SNAPC1: variants seen among roughly 807,000 people sequenced by gnomAD.
SNAPC1 encodes the protein snRNA-activating protein complex subunit 1.
Under a neutral mutation model 50.1 loss-of-function variants are expected in SNAPC1, and 42 were observed. That is an observed-to-expected ratio of 0.84 (90% confidence interval 0.65 to 1.08). The LOEUF (loss-of-function observed/expected upper bound fraction) is 1.08. Among genes scored for constraint, SNAPC1 ranks in the 50% least tolerant of loss-of-function variants. The pLI is 0.00. For missense variants in SNAPC1, 477 were observed against 427.3 expected, an observed-to-expected ratio of 1.12 and a Z score of -1.02; for synonymous variants, 164 against 144.2, an observed-to-expected ratio of 1.14 and a Z score of -0.98.
At chr14:61,767,397 T>C (rs762171827) in intron 3 of SNAPC1, 45 bp downstream of exon 3, 1 of 1,253,762 alleles carries the variant, frequency 8.0e-7, no homozygotes, top group Non-Finnish European at 1.1e-6. Flanking sequence ...TGAGCAATTA[T>C]ACTTTATTGT....
chr14:61,767,064 G>C, intron 2 of SNAPC1, 29 bp downstream of exon 2: 1 of 1,405,720 alleles, frequency 7.1e-7, no homozygotes, highest in Non-Finnish European at 9.5e-7. Context: ...TTTTTCCTTA[G>C]CAGAAATGTA....
In SNAPC1 at chr14:61,778,862, A is replaced by G; in HGVS notation, c.777A>G (p.Ala259=). 1.3e-6 allele frequency: 2 copies of G among 1,561,276 alleles called. No homozygotes were observed. The highest frequency in any genetic ancestry group is 1.7e-6 in the Non-Finnish European group (2 of 1,158,016). The change falls in exon 7 of 10, where the codon GCA becomes GCG. Residue 259 remains alanine, a synonymous_variant. Transcript: ENST00000216294. ...TTTACATCCAGAGATGTGAAAGGGCAGAATCATTAGCGAAAATAAAATCAA... is the reference window on the plus strand; with the variant it reads ...TTTACATCCAGAGATGTGAAAGGGCGGAATCATTAGCGAAAATAAAATCAA... The part of the protein sequence containing the change: ...NSQETERCER[A]ESLAKIKSKA...
chr14:61,776,856 C>T lies in SNAPC1; in HGVS notation c.693+603C>T, dbSNP rs145942434. ...TTTTGCAAGTCTCATCAACACAGAT[C>T]TTCAACTTAGTTTATTTAACCAAAA... On this transcript the variant is annotated intron_variant, in intron 5 of 9. Coordinates refer to ENST00000216294, the MANE Select transcript of SNAPC1 (RefSeq NM_003082.4). Among the ~76,000 whole-genome samples the T allele has an allele frequency of 5.3e-3, 804 of 152,286 alleles. 21 individuals carry two copies. Among genetic ancestry groups the T allele is most frequent in the Admixed American group, 0.035 (535 of 15,302 alleles).
intron 8 of SNAPC1, among the ~76,000 whole-genome samples, chr14:61,788,128 A>G (rs2045127838): frequency 6.6e-6 from 1 of 152,234 alleles, no homozygotes. Context: ...GACAGGCTCT[A>G]TAGTACATCT....
Position 61,767,271 on chromosome 14 carries a change from T to C in SNAPC1, c.348T>C (p.Asn116=). 6.5e-7 allele frequency: 1 copy of C among 1,535,418 alleles called. No individual in the cohort carries two copies. Among genetic ancestry groups the C allele is most frequent in the African/African-American group, 1.4e-5 (1 of 71,404 alleles). ...TAAAATTTCAGCAAGATTTAGTAAA[T>C]GCACAGCATTTTGATGCAGCTTATA... The part of the protein sequence containing the change: ...EVLKFQQDLV[N]AQHFDAAYIF... Residue 116 remains asparagine, a synonymous_variant, in exon 3 of 10, where the codon AAT becomes AAC. Transcript: ENST00000216294.
At chr14:61,785,398 G>A (rs531960649) in intron 8 of SNAPC1, among the ~76,000 whole-genome samples, 7 of 151,866 alleles carry the variant, frequency 4.6e-5, no homozygotes, top group Admixed American at 2.6e-4. Context: ...CAACAAGAGC[G>A]AAATTCTGTC....
At chr14:61,765,769 C>T (rs1322166359) in intron 1 of SNAPC1, among the ~76,000 whole-genome samples, 9 of 152,076 alleles carry the variant, frequency 5.9e-5, no homozygotes, top group Admixed American at 2.6e-4. Flanking sequence ...TGATTGATTG[C>T]CAACAAAGCC....
intron 1 of SNAPC1, among the ~76,000 whole-genome samples, chr14:61,763,440 G>A (rs1313589559): frequency 1.3e-5 from 2 of 148,546 alleles, no homozygotes; most frequent in Admixed American, 6.7e-5. Context: ...CTCCAGCTTC[G>A]CCTGCCAGTC....
chr14:61,782,411 G>C lies in SNAPC1; in HGVS notation c.976+14G>C. ...TCAGAAACAAAGGTAACTTTTTAAAGTCTTACTAAGATTCAACAAAGGAGA... is the reference window on the plus strand; with the variant it reads ...TCAGAAACAAAGGTAACTTTTTAAACTCTTACTAAGATTCAACAAAGGAGA... On this transcript the variant is annotated intron_variant, in intron 8 of 9. Transcript: ENST00000216294. The C allele has an allele frequency of 3.1e-6, 5 of 1,594,200 alleles. No homozygotes were observed. Among genetic ancestry groups the C allele is most frequent in the Non-Finnish European group, 4.3e-6 (5 of 1,171,410 alleles).
rs191103198 is a variant in SNAPC1, at chr14:61,768,057, A to G, written c.430-579A>G. Among the ~76,000 whole-genome samples, 262 of 152,250 alleles carry G rather than the reference A, an allele frequency of 1.7e-3. 1 individual carries two copies. Among genetic ancestry groups the G allele is most frequent in the African/African-American group, 6.0e-3 (249 of 41,554 alleles). ...AGCCTCCCAAAGTGCTGCTCACCTC[A>G]GGTGAGCCACCATGCCCGGCCTTGT... On this transcript the variant is annotated intron_variant, in intron 3 of 9. Coordinates refer to ENST00000216294, the MANE Select transcript of SNAPC1 (RefSeq NM_003082.4).
In SNAPC1 at chr14:61,794,961, C is replaced by T; in HGVS notation, c.1085C>T (p.Ser362Phe). ...ESLSGTEFTA[S>F]KKRRKH is the part of the protein sequence containing the mutation. ...TTTATGTCTTTAGAGTTCACTGCAT[C>T]CAAGAAGAGGAGAAAACACTGAACA... The change falls in exon 10 of 10, where the codon TCC (serine) becomes TTC (phenylalanine). Residue 362 changes from serine (S) to phenylalanine (F), a missense_variant. Physicochemically the swap from Ser to Phe is radical, Grantham distance 155 (BLOSUM62 -2). Coordinates refer to ENST00000216294, the MANE Select transcript of SNAPC1 (RefSeq NM_003082.4). The T allele has an allele frequency of 6.3e-7, 1 of 1,579,234 alleles. No individual in the cohort carries two copies. Among genetic ancestry groups the T allele is most frequent in the Non-Finnish European group, 8.6e-7 (1 of 1,165,330 alleles).
intron 9 of SNAPC1, among the ~76,000 whole-genome samples, chr14:61,793,390 A>T (rs1426183789): frequency 6.6e-6 from 1 of 151,830 alleles, no homozygotes; most frequent in Non-Finnish European, 1.5e-5. Context: ...CTGAAGGCAC[A>T]TGCCACCATG....
chr14:61,780,258 C>G (rs1163557179), intron 7 of SNAPC1, among the ~76,000 whole-genome samples: 3 of 152,178 alleles, frequency 2.0e-5, no homozygotes, highest in Non-Finnish European at 4.4e-5. Context: ...AGGTTTCACT[C>G]AGCCCCTCTA....
chr14:61,777,809 G>T (rs897790800), intron 5 of SNAPC1, among the ~76,000 whole-genome samples: 2 of 152,024 alleles, frequency 1.3e-5, no homozygotes, highest in Non-Finnish European at 2.9e-5. Flanking sequence ...AAACCTGAAG[G>T]AAAGGAGAAT....
intron 8 of SNAPC1, among the ~76,000 whole-genome samples, chr14:61,789,791 A>G (rs751259015): frequency 2.6e-5 from 4 of 152,210 alleles, no homozygotes; most frequent in Non-Finnish European, 4.4e-5. Flanking sequence ...ATTGGTAGGC[A>G]GAGGGGGAGT....
chr14:61,768,295 T>G (rs1370531271), intron 3 of SNAPC1, among the ~76,000 whole-genome samples: 2 of 152,082 alleles, frequency 1.3e-5, no homozygotes, highest in Non-Finnish European at 2.9e-5. Flanking sequence ...AAAAATTCTT[T>G]GGTGAAAAGT....
At chr14:61,792,929 T>A in intron 9 of SNAPC1, 27 bp downstream of exon 9, 1 of 1,146,844 alleles carries the variant, frequency 8.7e-7, no homozygotes, top group Non-Finnish European at 1.3e-6. Flanking sequence ...GTCAAACTAG[T>A]CAAGTAAACT....
rs2045161476 is a variant in SNAPC1, at chr14:61,792,721, TA to T, written c.977-84del. 9.8e-6 allele frequency: 7 copies of T among 711,742 alleles called. No individual in the cohort carries two copies. In the South Asian group the frequency reaches 1.4e-4, roughly 14 times the overall value. 44.1% of individuals were successfully genotyped at this position (711,742 alleles called of 1,614,324 possible). On this transcript the variant is annotated intron_variant, in intron 8 of 9. Transcript: ENST00000216294. The stretch of plus-strand genomic sequence containing the variant: ...TTTTACATGTCTAATTTTTATGCTG[TA>T]ATAATGACAGTTTTTGTAAAATGTT...
chr14:61,783,017 A>AT (rs767793462), intron 8 of SNAPC1, among the ~76,000 whole-genome samples: 1,486 of 115,104 alleles, frequency 0.013, 46 homozygotes, highest in African/African-American at 0.018. Flanking sequence ...TTTCCAGTGC[A>AT]TTTTTTTTTT....
Sources: gnomAD v4.1 joint callset for allele counts (sites outside exome capture counted in the v4.1 genomes callset) on GRCh38, gnomAD v4.1.1 for gene constraint, MANE v1.5 for transcripts, NCBI Gene and HGNC (gene_info 2026-07-23, HGNC 2026-07-21) for gene names.